The following CARMIL1 variants were observed in gnomAD, a reference collection of about 807,000 sequenced individuals.
CARMIL1 encodes the protein capping protein regulator and myosin 1 linker 1.
CARMIL1 carries 90 observed loss-of-function variants against 177.1 expected under a neutral mutation model. The ratio of observed to expected loss-of-function variants is 0.51; its 90% confidence interval spans 0.43 to 0.61. The LOEUF is 0.61. Among genes scored for constraint, CARMIL1 ranks in the 20% least tolerant of loss-of-function variants. The probability of loss-of-function intolerance (pLI) is 0.00; values close to 1 mark genes in which losing one functional copy is unlikely to be tolerated. For missense variants in CARMIL1, 1,380 were observed against 1,667.0 expected, an observed-to-expected ratio of 0.83 and a Z score of 3.00; for synonymous variants, 577 against 606.2, an observed-to-expected ratio of 0.95 and a Z score of 0.71.
intron 5 of CARMIL1, among the ~76,000 whole-genome samples, chr6:25,441,359 G>GTA (rs1329272705): frequency 2.1e-5 from 3 of 144,872 alleles, no homozygotes; most frequent in African/African-American, 7.9e-5. Context: ...GTGTGTGTGT[G>GTA]TGTGTGTGTG....
At chr6:25,580,615 T>C (rs929529352) in intron 29 of CARMIL1, among the ~76,000 whole-genome samples, 1 of 152,248 alleles carries the variant, frequency 6.6e-6, no homozygotes, top group East Asian at 1.9e-4. Context: ...TAACAGTCTT[T>C]GATTTTTATT....
chr6:25,390,720 C>T (rs569006895), intron 2 of CARMIL1, among the ~76,000 whole-genome samples: 10 of 152,236 alleles, frequency 6.6e-5, no homozygotes, highest in South Asian at 2.1e-4. Flanking sequence ...GCGACAGTCT[C>T]GCTCTGTCAG....
intron 20 of CARMIL1, among the ~76,000 whole-genome samples, chr6:25,511,798 C>T (rs1318775914): frequency 6.6e-6 from 1 of 152,104 alleles, no homozygotes; most frequent in Non-Finnish European, 1.5e-5. Context: ...AGCTGGTGGG[C>T]AGGAGAAAAT....
At chr6:25,406,053 T>C (rs1237055710) in intron 2 of CARMIL1, among the ~76,000 whole-genome samples, 1 of 152,214 alleles carries the variant, frequency 6.6e-6, no homozygotes, top group Non-Finnish European at 1.5e-5. Flanking sequence ...GAGCTTTGAA[T>C]AGGACAGATG....
intron 3 of CARMIL1, among the ~76,000 whole-genome samples, chr6:25,423,270 A>G (rs1232086248): frequency 6.6e-6 from 1 of 152,230 alleles, no homozygotes; most frequent in Non-Finnish European, 1.5e-5. Flanking sequence ...CACAAAACGG[A>G]CATGTGCATC....
At chr6:25,466,780 G>A (rs1800643989) in intron 9 of CARMIL1, among the ~76,000 whole-genome samples, 1 of 152,142 alleles carries the variant, frequency 6.6e-6, no homozygotes, top group African/African-American at 2.4e-5. Context: ...TTTGCCTGGG[G>A]TAGGGGTGGC....
intron 2 of CARMIL1, among the ~76,000 whole-genome samples, chr6:25,300,648 C>A (rs917210917): frequency 1.6e-4 from 24 of 152,194 alleles, no homozygotes; most frequent in African/African-American, 5.3e-4. Context: ...AACTTTTCCT[C>A]AAAACCAAAC....
chr6:25,530,402 C>T (rs1807632482), intron 24 of CARMIL1, among the ~76,000 whole-genome samples: 1 of 152,016 alleles, frequency 6.6e-6, no homozygotes, highest in Non-Finnish European at 1.5e-5. Flanking sequence ...GTAATCCCAA[C>T]TACTTGGAAG....
In CARMIL1 at chr6:25,492,029, A is replaced by G. The variant is rs778212468; in HGVS notation, c.1220+5A>G. 3.7e-6 allele frequency: 6 copies of G among 1,611,344 alleles called. No individual in the cohort carries two copies. The highest frequency in any genetic ancestry group is 1.3e-5 in the African/African-American group (1 of 74,818). ...CAGAACTGTCTTCTCTCACCGGTAT[A>G]GATTTATTTCTGCTCTCATTGTCAT... On this transcript the variant is annotated splice_donor_5th_base_variant and intron_variant, in intron 15 of 36. Transcript: ENST00000329474.
intron 36 of CARMIL1, 100 bp from the exon 37 acceptor site, chr6:25,619,347 C>CCA: frequency 8.0e-7 from 1 of 1,249,086 alleles, no homozygotes; most frequent in Non-Finnish European, 1.1e-6. Flanking sequence ...GCCCCCTCCC[C>CCA]TCCCCCAAAC....
intron 26 of CARMIL1, among the ~76,000 whole-genome samples, chr6:25,549,967 G>C (rs528431568): frequency 4.0e-4 from 61 of 152,276 alleles, no homozygotes; most frequent in African/African-American, 1.5e-3. Context: ...ATAATCCTAT[G>C]AGGTGAGAAC....
chr6:25,347,733 C>T (rs1237340618), intron 2 of CARMIL1, among the ~76,000 whole-genome samples: 1 of 152,190 alleles, frequency 6.6e-6, no homozygotes, highest in African/African-American at 2.4e-5. Flanking sequence ...TGGATTAAAA[C>T]TGAGAAATCA....
At chr6:25,286,733 ATTAT>A (rs1311208148) in intron 2 of CARMIL1, among the ~76,000 whole-genome samples, 3 of 152,202 alleles carry the variant, frequency 2.0e-5, no homozygotes, top group African/African-American at 7.2e-5. Flanking sequence ...GGGGCTTGGT[ATTAT>A]TTGATATGGA....
At chr6:25,480,221 CTT>C (rs1271432250) in intron 11 of CARMIL1, among the ~76,000 whole-genome samples, 1 of 151,986 alleles carries the variant, frequency 6.6e-6, no homozygotes, top group East Asian at 1.9e-4. Flanking sequence ...TCTTTACTGA[CTT>C]TTTCTGTTCA....
chr6:25,457,673 C>A (rs1055107675), intron 8 of CARMIL1, among the ~76,000 whole-genome samples: 3 of 152,260 alleles, frequency 2.0e-5, no homozygotes, highest in East Asian at 3.9e-4. Flanking sequence ...AGCCGTTCCA[C>A]GAGAGTGCAT....
At chr6:25,588,707 C>T (rs1375422905) in intron 31 of CARMIL1, among the ~76,000 whole-genome samples, 3 of 152,178 alleles carry the variant, frequency 2.0e-5, no homozygotes, top group Non-Finnish European at 4.4e-5. Flanking sequence ...AAGGAAAAAT[C>T]ATTGAAAAAT....
At chr6:25,364,289 T>C (rs1789539706) in intron 2 of CARMIL1, among the ~76,000 whole-genome samples, 1 of 152,162 alleles carries the variant, frequency 6.6e-6, no homozygotes, top group South Asian at 2.1e-4. Context: ...TTTGTGTGTG[T>C]GTACATTTAG....
Position 25,337,012 on chromosome 6 carries a change from T to C in CARMIL1, c.138+52103T>C, listed in dbSNP as rs1164595075. On this transcript the variant is annotated intron_variant, in intron 2 of 36. Transcript: ENST00000329474. ...AAAAAGACAGCGTATCAATTGAACA[T>C]AAATATATTGTGTTTAAACTATATG... Among the ~76,000 whole-genome samples the C allele has an allele frequency of 3.3e-5, 5 of 152,232 alleles. No homozygotes were observed. The East Asian group carries it at 9.6e-4, about 29-fold the overall frequency.
chr6:25,576,257 G>A (rs1387836325), intron 29 of CARMIL1, among the ~76,000 whole-genome samples: 1 of 151,736 alleles, frequency 6.6e-6, no homozygotes, highest in Non-Finnish European at 1.5e-5. Context: ...AATGGAGAAG[G>A]AAAGAAAATA....
Sources: allele counts gnomAD v4.1 joint callset (sites outside exome capture counted in the v4.1 genomes callset), GRCh38; gene constraint gnomAD v4.1.1; transcripts MANE v1.5; gene names NCBI Gene and HGNC (gene_info 2026-07-23, HGNC 2026-07-21).